DPP10: variants seen among roughly 807,000 people sequenced by gnomAD.
The protein encoded by DPP10 is inactive dipeptidyl peptidase 10.
DPP10 carries 33 observed loss-of-function variants against 120.9 expected under a neutral mutation model. That is an observed-to-expected ratio of 0.27 (90% confidence interval 0.21 to 0.37). The LOEUF (loss-of-function observed/expected upper bound fraction) is 0.37. Ranked by LOEUF, DPP10 falls within the 10% of genes least tolerant of loss-of-function variation. DPP10 has a pLI of 1.00. For missense variants in DPP10, 816 were observed against 942.8 expected, an observed-to-expected ratio of 0.87 and a Z score of 1.76; for synonymous variants, 337 against 326.1, an observed-to-expected ratio of 1.03 and a Z score of -0.36.
intron 1 of DPP10, among the ~76,000 whole-genome samples, chr2:114,899,065 T>G (rs1051640893): frequency 6.8e-6 from 1 of 146,344 alleles, no homozygotes; most frequent in Non-Finnish European, 1.5e-5. Flanking sequence ...GATGAATATG[T>G]TTTTTTTTTC....
intron 5 of DPP10, among the ~76,000 whole-genome samples, chr2:115,595,384 G>A (rs1038833124): frequency 1.3e-5 from 2 of 151,952 alleles, no homozygotes; most frequent in Non-Finnish European, 2.9e-5. Flanking sequence ...TTATTTCAAT[G>A]AAATCTTATG....
chr2:115,824,147 A>C (rs1404732792), intron 21 of DPP10, among the ~76,000 whole-genome samples: 1 of 152,024 alleles, frequency 6.6e-6, no homozygotes, highest in Non-Finnish European at 1.5e-5. Flanking sequence ...ATATATATAC[A>C]CCTCCATAAA....
intron 1 of DPP10, among the ~76,000 whole-genome samples, chr2:114,866,877 A>C (rs1038166166): frequency 6.6e-6 from 1 of 152,216 alleles, no homozygotes; most frequent in Admixed American, 6.5e-5. Context: ...AAGGCTAGTT[A>C]ATAGCTCAAA....
chr2:115,260,133 T>C (rs1008562967), intron 1 of DPP10, among the ~76,000 whole-genome samples: 14 of 150,766 alleles, frequency 9.3e-5, no homozygotes, highest in Non-Finnish European at 1.5e-4. Context: ...ATTATATGTA[T>C]TTATTACACA....
intron 1 of DPP10, among the ~76,000 whole-genome samples, chr2:115,036,160 G>A (rs1351549025): frequency 6.6e-6 from 1 of 152,164 alleles, no homozygotes; most frequent in African/African-American, 2.4e-5. Context: ...CAGGGTGGCA[G>A]GACAGAGTAA....
intron 1 of DPP10, among the ~76,000 whole-genome samples, chr2:114,756,912 G>T (rs1180749182): frequency 6.6e-6 from 1 of 152,106 alleles, no homozygotes; most frequent in Non-Finnish European, 1.5e-5. Flanking sequence ...CCCCGTTGAG[G>T]TATTTTGTAC....
chr2:114,835,394 C>A lies in DPP10; in HGVS notation c.60+392556C>A, dbSNP rs139479511. ...ATCTACACACCTATTTATATATAAGCCATATTTACACACCTATGTATATAT... is the reference window on the plus strand; with the variant it reads ...ATCTACACACCTATTTATATATAAGACATATTTACACACCTATGTATATAT... On this transcript the variant is annotated intron_variant, in intron 1 of 25. Coordinates refer to ENST00000410059, the MANE Select transcript of DPP10 (RefSeq NM_020868.6). 3.9e-3 allele frequency: 579 copies of A among 149,818 alleles called. 7 individuals carry two copies. Among genetic ancestry groups the A allele is most frequent in the African/African-American group, 0.014 (567 of 40,826 alleles). 9.3% of individuals were successfully genotyped at this position (149,818 alleles called of 1,614,324 possible).
At chr2:115,389,835 T>TC (rs397760775) in intron 3 of DPP10, among the ~76,000 whole-genome samples, 1 of 151,678 alleles carries the variant, frequency 6.6e-6, no homozygotes, top group Non-Finnish European at 1.5e-5. Flanking sequence ...TATATCAATT[T>TC]ATAGAATTAT....
intron 19 of DPP10, among the ~76,000 whole-genome samples, chr2:115,805,597 G>A (rs1221879526): frequency 8.2e-5 from 12 of 145,696 alleles, no homozygotes; most frequent in East Asian, 4.0e-4. Context: ...TTTTTGAGAC[G>A]CAGTCTCACT....
At chr2:115,388,353 G>T (rs1358422633) in intron 3 of DPP10, among the ~76,000 whole-genome samples, 1 of 152,184 alleles carries the variant, frequency 6.6e-6, no homozygotes, top group Non-Finnish European at 1.5e-5. Context: ...AAATATAGGA[G>T]AATTAGATGA....
chr2:115,799,365 G>A (rs1265579453), intron 19 of DPP10, among the ~76,000 whole-genome samples: 1 of 151,590 alleles, frequency 6.6e-6, no homozygotes, highest in Non-Finnish European at 1.5e-5. Context: ...TAATTTATAA[G>A]GGCACACAAA....
At chr2:114,999,160 T>C (rs1269599957) in intron 1 of DPP10, among the ~76,000 whole-genome samples, 1 of 152,162 alleles carries the variant, frequency 6.6e-6, no homozygotes, top group Admixed American at 6.5e-5. Context: ...GGATTTAGAA[T>C]AGTATTTGGC....
chr2:114,823,563 C>A (rs150837354), intron 1 of DPP10, among the ~76,000 whole-genome samples: 1 of 152,120 alleles, frequency 6.6e-6, no homozygotes, highest in South Asian at 2.1e-4. Context: ...ATTCCCCACC[C>A]CAAAGGAGAT....
chr2:115,378,404 G>A (rs572696512), intron 3 of DPP10, among the ~76,000 whole-genome samples: 1 of 149,784 alleles, frequency 6.7e-6, no homozygotes, highest in Non-Finnish European at 1.5e-5. Flanking sequence ...CATTGATTTT[G>A]TGTCCTGAGA....
chr2:114,623,790 G>T (rs754558763), intron 1 of DPP10, among the ~76,000 whole-genome samples: 1 of 151,992 alleles, frequency 6.6e-6, no homozygotes, highest in Non-Finnish European at 1.5e-5. Context: ...TCTAAAAATC[G>T]CTGTTGAGAA....
At chr2:115,395,803 C>T (rs1185163580) in intron 3 of DPP10, among the ~76,000 whole-genome samples, 1 of 151,728 alleles carries the variant, frequency 6.6e-6, no homozygotes, top group Non-Finnish European at 1.5e-5. Flanking sequence ...TCGATTGTCT[C>T]CCCATCTAGT....
intron 1 of DPP10, among the ~76,000 whole-genome samples, chr2:114,866,255 G>A (rs1473789830): frequency 6.6e-6 from 1 of 151,674 alleles, no homozygotes; most frequent in Non-Finnish European, 1.5e-5. Context: ...GAGGCATATG[G>A]TAGCTAATAA....
chr2:115,228,510 C>T (rs1478840515), intron 1 of DPP10, among the ~76,000 whole-genome samples: 1 of 152,086 alleles, frequency 6.6e-6, no homozygotes, highest in Non-Finnish European at 1.5e-5. Flanking sequence ...ATCCCCCCTC[C>T]AGCCACTACC....
At chr2:115,408,644 TATTAGGA>T in intron 3 of DPP10, among the ~76,000 whole-genome samples, 1 of 152,276 alleles carries the variant, frequency 6.6e-6, no homozygotes, top group East Asian at 1.9e-4. Context: ...AATACAATTC[TATTAGGA>T]ATCAACAACA....
Sources: gnomAD v4.1 joint callset for allele counts (sites outside exome capture counted in the v4.1 genomes callset) on GRCh38, gnomAD v4.1.1 for gene constraint, MANE v1.5 for transcripts, NCBI Gene and HGNC (gene_info 2026-07-23, HGNC 2026-07-21) for gene names.